PCDH15: variants seen among roughly 807,000 people sequenced by gnomAD.
PCDH15 encodes protocadherin related 15.
PCDH15 carries 129 observed loss-of-function variants against 178.5 expected under a neutral mutation model. The observed-to-expected ratio is 0.72, with a 90% CI of 0.63 to 0.84. The LOEUF (loss-of-function observed/expected upper bound fraction) is 0.84, where lower values mean the gene tolerates loss of function less well. PCDH15 is among the 40% of genes least tolerant of loss of function. The pLI is 0.00. For synonymous variants in PCDH15, 800 were observed against 732.0 expected (o/e 1.09, Z -1.50); for missense variants, 2,230 against 2,099.9 (o/e 1.06, Z -1.21).
intron 3 of PCDH15, among the ~76,000 whole-genome samples, chr10:54,507,004 T>G (rs1468445833): frequency 1.3e-5 from 2 of 152,118 alleles, no homozygotes; most frequent in Non-Finnish European, 2.9e-5. Context: ...CCATATAACC[T>G]TAGGCTTTTT....
At chr10:55,329,947 T>C (rs1281732805) in intron 2 of PCDH15, among the ~76,000 whole-genome samples, 1 of 151,792 alleles carries the variant, frequency 6.6e-6, no homozygotes, top group Admixed American at 6.6e-5. Context: ...ATAATGCAAC[T>C]GACATGCTAT....
At chr10:55,043,415 A>T (rs981250148) in intron 2 of PCDH15, among the ~76,000 whole-genome samples, 15 of 152,180 alleles carry the variant, frequency 9.9e-5, no homozygotes, top group Non-Finnish European at 1.3e-4. Flanking sequence ...AACAGGAAAA[A>T]CAAAATAAAA....
chr10:55,451,629 C>T (rs1839437778), intron 2 of PCDH15, among the ~76,000 whole-genome samples: 1 of 152,110 alleles, frequency 6.6e-6, no homozygotes, highest in African/African-American at 2.4e-5. Context: ...AAAATGAATT[C>T]ATTCAGAAGC....
intron 21 of PCDH15, among the ~76,000 whole-genome samples, chr10:53,984,042 A>C (rs2090894577): frequency 6.6e-6 from 1 of 151,720 alleles, no homozygotes; most frequent in Non-Finnish European, 1.5e-5. Flanking sequence ...TCACTTCTAG[A>C]ACCTTCCTTG....
chr10:54,671,046 A>C (rs1303807282), intron 1 of PCDH15, among the ~76,000 whole-genome samples: 1 of 152,138 alleles, frequency 6.6e-6, no homozygotes. Flanking sequence ...TTTGTTAGAA[A>C]AGTCATGGGA....
intron 2 of PCDH15, among the ~76,000 whole-genome samples, chr10:54,986,652 A>G (rs1484659546): frequency 6.6e-6 from 1 of 152,214 alleles, no homozygotes; most frequent in Non-Finnish European, 1.5e-5. Flanking sequence ...CCACATGGAT[A>G]AAATGTGGTG....
chr10:54,843,410 T>C (rs1364521323), intron 3 of PCDH15, among the ~76,000 whole-genome samples: 1 of 152,038 alleles, frequency 6.6e-6, no homozygotes, highest in African/African-American at 2.4e-5. Flanking sequence ...TGGAGTTTAA[T>C]GCCAAGAAAT....
chr10:55,489,607 G>T (rs1840370138), intron 2 of PCDH15, among the ~76,000 whole-genome samples: 3 of 151,736 alleles, frequency 2.0e-5, no homozygotes, highest in Admixed American at 2.0e-4. Context: ...ATTTGTATCT[G>T]CTTATCCAAG....
intron 1 of PCDH15, among the ~76,000 whole-genome samples, chr10:54,707,637 A>G (rs2095379053): frequency 6.6e-6 from 1 of 152,220 alleles, no homozygotes. Flanking sequence ...ATTTATTTCA[A>G]AATAATACAA....
chr10:54,515,168 G>C (rs1013742513), intron 3 of PCDH15, among the ~76,000 whole-genome samples: 1 of 152,236 alleles, frequency 6.6e-6, no homozygotes. Context: ...AGCCAAAGCA[G>C]GGAGAGGCAT....
chr10:54,013,456 T>G (rs2092650856), intron 20 of PCDH15, among the ~76,000 whole-genome samples: 1 of 152,142 alleles, frequency 6.6e-6, no homozygotes, highest in Non-Finnish European at 1.5e-5. Flanking sequence ...AGAATATACA[T>G]ACTTCTCATC....
At chr10:55,153,010 A>C (rs1838778595) in intron 2 of PCDH15, among the ~76,000 whole-genome samples, 1 of 152,032 alleles carries the variant, frequency 6.6e-6, no homozygotes, top group African/African-American at 2.4e-5. Context: ...ATAACTAATA[A>C]ATAATATACA....
chr10:54,041,678 C>T (rs2093549569), intron 18 of PCDH15, among the ~76,000 whole-genome samples: 2 of 151,924 alleles, frequency 1.3e-5, no homozygotes, highest in Non-Finnish European at 2.9e-5. Flanking sequence ...TTTTAATGGA[C>T]ATTATGAAAA....
chr10:54,156,308 A>G (rs1359509017), intron 13 of PCDH15, among the ~76,000 whole-genome samples: 1 of 152,146 alleles, frequency 6.6e-6, no homozygotes, highest in East Asian at 1.9e-4. Flanking sequence ...TGCTGCTTAT[A>G]AAGACATACC....
intron 1 of PCDH15, among the ~76,000 whole-genome samples, chr10:55,200,681 T>G (rs941921657): frequency 2.0e-5 from 3 of 152,060 alleles, no homozygotes; most frequent in Non-Finnish European, 2.9e-5. Flanking sequence ...TGAATTGAAA[T>G]TTCTAGCGTT....
At chr10:54,513,440 T>C (rs568778059) in intron 3 of PCDH15, among the ~76,000 whole-genome samples, 33 of 151,956 alleles carry the variant, frequency 2.2e-4, no homozygotes, top group African/African-American at 7.7e-4. Flanking sequence ...TAATATTCAG[T>C]CTAATTTTAT....
intron 5 of PCDH15, among the ~76,000 whole-genome samples, chr10:54,352,025 A>C (rs550418709): frequency 6.6e-6 from 1 of 152,204 alleles, no homozygotes; most frequent in Non-Finnish European, 1.5e-5. Context: ...TGTGTTGTAC[A>C]TATATATTTG....
intron 1 of PCDH15, among the ~76,000 whole-genome samples, chr10:54,669,285 G>C (rs2094619881): frequency 6.6e-6 from 1 of 151,176 alleles, no homozygotes; most frequent in African/African-American, 2.4e-5. Flanking sequence ...ATTTCAGAGA[G>C]CCTTTCAGAT....
chr10:54,392,025 G>A (rs7092207), intron 3 of PCDH15, among the ~76,000 whole-genome samples: 130,114 of 152,094 alleles, frequency 0.86, 55,885 homozygotes, highest in East Asian at 0.99. Flanking sequence ...ACTGGACATT[G>A]TTTAGTTGTA....
Sources: gnomAD v4.1 joint callset for allele counts (sites outside exome capture counted in the v4.1 genomes callset) on GRCh38, gnomAD v4.1.1 for gene constraint, MANE v1.5 for transcripts, NCBI Gene and HGNC (gene_info 2026-07-23, HGNC 2026-07-21) for gene names.